The following C5orf63 variants were observed in gnomAD, a reference collection of about 807,000 sequenced individuals.
C5orf63 encodes the protein chromosome 5 open reading frame 63, also known as glutaredoxin-like protein C5orf63.
A neutral mutation model predicts 13.3 loss-of-function variants in C5orf63; 18 were observed. The ratio of observed to expected loss-of-function variants is 1.36; its 90% confidence interval spans 0.94 to 2.01. The LOEUF is 2.01. Among genes scored for constraint, C5orf63 ranks in the 30% most tolerant of loss-of-function variants. The pLI is 0.00. For missense variants in C5orf63, 118 were observed against 127.7 expected (o/e 0.92, Z 0.36); for synonymous variants, 38 against 44.7 (o/e 0.85, Z 0.60).
At chr5:127,054,282 C>T (rs1284390344) in intron 3 of C5orf63, among the ~76,000 whole-genome samples, 1 of 152,112 alleles carries the variant, frequency 6.6e-6, no homozygotes, top group Admixed American at 6.5e-5. Flanking sequence ...AATGGTATTT[C>T]TAGTTCTAGA....
downstream of C5orf63, chr5:127,047,659 G>A (rs770576218): frequency 1.1e-5 from 8 of 699,424 alleles, no homozygotes; most frequent in Non-Finnish European, 1.6e-5. Flanking sequence ...TATATTTGGT[G>A]GATGAATTTT....
At chr5:127,071,837 C>T (rs971218934) in intron 1 of C5orf63, among the ~76,000 whole-genome samples, 152 bp from the exon 2 acceptor site, 1 of 152,114 alleles carries the variant, frequency 6.6e-6, no homozygotes, top group Non-Finnish European at 1.5e-5. Context: ...AGAGTATATA[C>T]AAGTTATGAA....
At chr5:127,049,620 T>C (rs1371561593), downstream of C5orf63, among the ~76,000 whole-genome samples, 1 of 152,258 alleles carries the variant, frequency 6.6e-6, no homozygotes, top group Non-Finnish European at 1.5e-5. Context: ...GATTTATTCA[T>C]TTCTGTACTC....
At chr5:127,064,563 T>C (rs1203341696) in intron 2 of C5orf63, among the ~76,000 whole-genome samples, 3 of 152,174 alleles carry the variant, frequency 2.0e-5, no homozygotes, top group East Asian at 3.9e-4. Context: ...TAGGCCTATA[T>C]TATGGCCCAG....
chr5:127,053,741 T>G (rs528316558), intron 3 of C5orf63, among the ~76,000 whole-genome samples: 2 of 152,216 alleles, frequency 1.3e-5, no homozygotes, highest in African/African-American at 4.8e-5. Context: ...GCTTCATCCA[T>G]GTACCTACAA....
At chr5:127,047,740 C>A (rs1294256181), downstream of C5orf63, 1 of 703,974 alleles carries the variant, frequency 1.4e-6, no homozygotes, top group South Asian at 1.5e-5. Flanking sequence ...GAATGCCCCA[C>A]AGTCACTTGA....
intron 3 of C5orf63, chr5:127,056,449 C>G (rs1753888811): frequency 6.5e-6 from 1 of 153,104 alleles, no homozygotes; most frequent in African/African-American, 2.4e-5. Context: ...CAAGGAGGAG[C>G]AAGTCACATC....
chr5:127,064,497 C>G (rs1431665446), intron 2 of C5orf63, among the ~76,000 whole-genome samples: 1 of 152,200 alleles, frequency 6.6e-6, no homozygotes, highest in African/African-American at 2.4e-5. Context: ...CAGCTTCATT[C>G]TGACTACACA....
At chr5:127,069,048 G>A (rs896459305) in intron 2 of C5orf63, among the ~76,000 whole-genome samples, 2 of 152,128 alleles carry the variant, frequency 1.3e-5, no homozygotes, top group Non-Finnish European at 2.9e-5. Context: ...AACAATGCTC[G>A]GTTCAATTAT....
chr5:127,047,838 A>G (rs146434018), downstream of C5orf63: 857 of 703,874 alleles, frequency 1.2e-3, 3 homozygotes, highest in African/African-American at 0.013. Flanking sequence ...CCGACTGAGA[A>G]GCCATGTGGG....
downstream of C5orf63, chr5:127,047,942 G>T (rs1254114579): frequency 1.5e-6 from 1 of 657,306 alleles, no homozygotes; most frequent in Non-Finnish European, 2.7e-6. Flanking sequence ...AAGTGGAGAG[G>T]GGTGAGAATG....
At chr5:127,067,317 T>C (rs184153909) in intron 2 of C5orf63, among the ~76,000 whole-genome samples, 105 of 152,336 alleles carry the variant, frequency 6.9e-4, no homozygotes, top group Non-Finnish European at 1.1e-3. Context: ...ATAATAATGA[T>C]TCTATTGACT....
chr5:127,063,534 C>T (rs1456553302), intron 2 of C5orf63, among the ~76,000 whole-genome samples: 1 of 152,176 alleles, frequency 6.6e-6, no homozygotes, highest in Non-Finnish European at 1.5e-5. Flanking sequence ...AATTTTTATT[C>T]ATACAAAGAA....
intron 2 of C5orf63, among the ~76,000 whole-genome samples, chr5:127,064,366 T>TGA (rs1347073927): frequency 1.3e-5 from 2 of 152,130 alleles, no homozygotes; most frequent in African/African-American, 4.8e-5. Context: ...TTTTCTAGTG[T>TGA]CTCAGCCTTA....
chr5:127,050,660 A>G (rs1227437391), downstream of C5orf63, among the ~76,000 whole-genome samples: 2 of 152,150 alleles, frequency 1.3e-5, no homozygotes, highest in African/African-American at 2.4e-5. Flanking sequence ...TATTCTCTGA[A>G]TTTCAGATTT....
chr5:127,052,083 T>C (rs1236218427), intron 4 of C5orf63, 136 bp from the exon 5 acceptor site: 2 of 662,360 alleles, frequency 3.0e-6, no homozygotes, highest in African/African-American at 1.9e-5. Flanking sequence ...TCCACAGTGA[T>C]CTAATGTCCC....
intron 2 of C5orf63, among the ~76,000 whole-genome samples, chr5:127,069,955 A>T (rs1754473663): frequency 6.6e-6 from 1 of 152,202 alleles, no homozygotes; most frequent in Non-Finnish European, 1.5e-5. Flanking sequence ...ATATAATGAG[A>T]TCAACACAGA....
downstream of C5orf63, chr5:127,046,565 G>A (rs1159085135): frequency 6.6e-6 from 1 of 152,230 alleles, no homozygotes; most frequent in African/African-American, 2.4e-5. Flanking sequence ...AGAGTTGCTG[G>A]TCATTGCCTG....
downstream of C5orf63, chr5:127,044,592 A>G (rs1193349392): frequency 6.6e-6 from 1 of 152,110 alleles, no homozygotes; most frequent in Non-Finnish European, 1.5e-5. Flanking sequence ...TCACAGCATC[A>G]AAGTATCCTG....
Sources: allele counts gnomAD v4.1 joint callset (sites outside exome capture counted in the v4.1 genomes callset), GRCh38; gene constraint gnomAD v4.1.1; transcripts MANE v1.5; gene names NCBI Gene and HGNC (gene_info 2026-07-23, HGNC 2026-07-21).